Variants in PEX39 observed in about 807,000 individuals in gnomAD.
PEX39 encodes the protein peroxisomal biogenesis factor 39.
the PEX39 span, chr6:42,890,438 C>T: frequency 6.7e-7 from 1 of 1,487,076 alleles, no homozygotes; most frequent in African/African-American, 1.4e-5. Context: ...ATCCCGGGTC[C>T]TGTAGCCACG....
chr6:42,890,275 A>G, the PEX39 span: 1 of 416,998 alleles, frequency 2.4e-6, no homozygotes, highest in Non-Finnish European at 4.2e-6. Flanking sequence ...TTACATCATA[A>G]AACATTTTAT....
chr6:42,890,460 G>A, the PEX39 span: 1 of 1,495,618 alleles, frequency 6.7e-7, no homozygotes, highest in Non-Finnish European at 8.9e-7. Flanking sequence ...CCTCCAGATC[G>A]CCGCCGCAAA....
At chr6:42,890,806 G>T in the PEX39 span, 1 of 1,555,810 alleles carries the variant, frequency 6.4e-7, no homozygotes, top group Non-Finnish European at 8.7e-7. Context: ...CGCGAATCCT[G>T]ACCGGCGTGT....
chr6:42,890,487 G>C, the PEX39 span: 1 of 1,516,646 alleles, frequency 6.6e-7, no homozygotes, highest in East Asian at 2.3e-5. Flanking sequence ...GGAACCTCAG[G>C]GGCCCACTGT....
the PEX39 span, chr6:42,890,768 G>C: frequency 6.3e-7 from 1 of 1,592,506 alleles, no homozygotes; most frequent in Non-Finnish European, 8.6e-7. Context: ...CCGAGCATTG[G>C]GGACTGCGGG....
the PEX39 span, chr6:42,890,741 TGA>T: frequency 6.2e-7 from 1 of 1,607,936 alleles, no homozygotes; most frequent in African/African-American, 1.3e-5. Flanking sequence ...TAACCGAAGC[TGA>T]GGCAGAGGCC....
chr6:42,890,744 G>A, the PEX39 span: 1 of 1,607,998 alleles, frequency 6.2e-7, no homozygotes, highest in Non-Finnish European at 8.5e-7. Context: ...CCGAAGCTGA[G>A]GCAGAGGCCG....
Sources: gnomAD v4.1 joint callset for allele counts on GRCh38, gnomAD v4.1.1 for gene constraint, MANE v1.5 for transcripts, NCBI Gene and HGNC (gene_info 2026-07-23, HGNC 2026-07-21) for gene names.